SMOC2: variants seen among roughly 807,000 people sequenced by gnomAD.
SMOC2 encodes SPARC-related modular calcium-binding protein 2.
A neutral mutation model predicts 61.4 loss-of-function variants in SMOC2; 39 were observed. The ratio of observed to expected loss-of-function variants is 0.64; its 90% CI spans 0.49 to 0.83. The LOEUF is 0.83. Among genes scored for constraint, SMOC2 ranks in the 40% least tolerant of loss-of-function variants. The pLI is 0.00. For missense variants in SMOC2, 556 were observed against 592.9 expected (o/e 0.94, Z 0.65); for synonymous variants, 247 against 239.9 (o/e 1.03, Z -0.27).
intron 7 of SMOC2, among the ~76,000 whole-genome samples, chr6:168,595,346 G>T (rs1041666072): frequency 2.6e-5 from 4 of 152,184 alleles, no homozygotes; most frequent in African/African-American, 9.7e-5. Flanking sequence ...CTCCCGTGCT[G>T]TGGTGACACA....
chr6:168,548,397 C>T (rs1272960877), intron 6 of SMOC2, among the ~76,000 whole-genome samples: 1 of 150,286 alleles, frequency 6.7e-6, no homozygotes. Flanking sequence ...TTTTGTTGCC[C>T]AGGCTTCTGG....
intron 6 of SMOC2, among the ~76,000 whole-genome samples, chr6:168,547,393 C>T (rs544382081): frequency 7.3e-5 from 11 of 151,394 alleles, no homozygotes; most frequent in South Asian, 2.1e-4. Flanking sequence ...AACAGCAAGC[C>T]GAAAGGTGGT....
In SMOC2 at chr6:168,475,853, G is replaced by A. The variant is rs1196612050; in HGVS notation, c.85-34062G>A. On this transcript the variant is annotated intron_variant, in intron 1 of 12. Transcript: ENST00000356284. This position sits in a 1 kb window ranked among gnomAD's most constrained non-coding sequence, Gnocchi z 4.6. ...GTGGGCACAGGTGCCAAGGGGAATG[G>A]GGTCAGGGTTCTCCAGGCGTGGGCT... Among the ~76,000 whole-genome samples, 1 of 152,098 alleles carries A rather than the reference G, an allele frequency of 6.6e-6. No individual in the cohort carries two copies. The highest frequency in any genetic ancestry group is 1.5e-5 in the Non-Finnish European group (1 of 67,990).
chr6:168,457,452 C>T (rs900466807), intron 1 of SMOC2, among the ~76,000 whole-genome samples: 13 of 152,236 alleles, frequency 8.5e-5, no homozygotes, highest in African/African-American at 3.1e-4. Flanking sequence ...GCTGCAGTGA[C>T]TTCATCGCCT....
At chr6:168,525,617 G>A (rs1360371885) in intron 2 of SMOC2, among the ~76,000 whole-genome samples, 2 of 152,190 alleles carry the variant, frequency 1.3e-5, no homozygotes, top group African/African-American at 4.8e-5. Flanking sequence ...TGCGCCTTCT[G>A]TGAAATCTGT....
intron 7 of SMOC2, among the ~76,000 whole-genome samples, chr6:168,595,949 A>T (rs1215262218): frequency 6.6e-6 from 1 of 152,248 alleles, no homozygotes; most frequent in East Asian, 1.9e-4. Context: ...GGATCATCAA[A>T]CCATAAATTC....
chr6:168,563,976 T>C (rs1190724956), intron 7 of SMOC2, among the ~76,000 whole-genome samples: 1 of 152,164 alleles, frequency 6.6e-6, no homozygotes, highest in East Asian at 1.9e-4. Context: ...AAGCACACCC[T>C]GGAGTAGAAC....
intron 7 of SMOC2, among the ~76,000 whole-genome samples, chr6:168,590,903 T>C (rs1237822676): frequency 6.6e-6 from 1 of 152,208 alleles, no homozygotes; most frequent in African/African-American, 2.4e-5. Flanking sequence ...TCATATTTTT[T>C]TAATAGACCT....
chr6:168,598,672 G>T (rs765476476), intron 7 of SMOC2, 146 bp from the exon 8 acceptor site: 85 of 856,150 alleles, frequency 9.9e-5, no homozygotes, highest in Non-Finnish European at 1.5e-4. Context: ...CTCTCCTGCT[G>T]TGCCCCCCAC....
chr6:168,524,657 G>A (rs1366706598), intron 2 of SMOC2, among the ~76,000 whole-genome samples: 1 of 152,182 alleles, frequency 6.6e-6, no homozygotes, highest in Non-Finnish European at 1.5e-5. Flanking sequence ...ACTAAAAAAC[G>A]AGGACAGAAG....
intron 4 of SMOC2, among the ~76,000 whole-genome samples, chr6:168,538,782 G>A (rs187320652): frequency 9.9e-5 from 14 of 141,196 alleles, no homozygotes; most frequent in East Asian, 2.1e-4. Context: ...GGAGCAGAGC[G>A]ACCCCTGCTG....
intron 7 of SMOC2, among the ~76,000 whole-genome samples, chr6:168,573,759 C>G (rs1323589099): frequency 4.6e-5 from 7 of 152,310 alleles, no homozygotes; most frequent in African/African-American, 1.7e-4. Context: ...GCTCATCTCA[C>G]CAGCCTCATT....
intron 1 of SMOC2, among the ~76,000 whole-genome samples, chr6:168,455,858 TC>T (rs1377420761): frequency 2.6e-5 from 4 of 152,204 alleles, no homozygotes; most frequent in African/African-American, 7.2e-5. Flanking sequence ...CAACGTGGAT[TC>T]AAAACCTCGT....
chr6:168,574,355 C>G (rs559776703), intron 7 of SMOC2, among the ~76,000 whole-genome samples: 2 of 152,192 alleles, frequency 1.3e-5, no homozygotes, highest in Non-Finnish European at 2.9e-5. Context: ...GGCAGCAGGC[C>G]GGGAGGAAGC....
At chr6:168,562,610 T>C (rs1455016492) in intron 7 of SMOC2, among the ~76,000 whole-genome samples, 1 of 152,192 alleles carries the variant, frequency 6.6e-6, no homozygotes, top group Non-Finnish European at 1.5e-5. Flanking sequence ...AGGCGAGGGC[T>C]AGATGACCCG....
intron 6 of SMOC2, among the ~76,000 whole-genome samples, chr6:168,547,718 G>C (rs1784039768): frequency 6.6e-6 from 1 of 151,982 alleles, no homozygotes; most frequent in African/African-American, 2.4e-5. Context: ...TAAACATCAT[G>C]ATGTTAGACA....
intron 2 of SMOC2, among the ~76,000 whole-genome samples, chr6:168,517,214 G>A (rs1384372996): frequency 6.7e-6 from 1 of 149,484 alleles, no homozygotes; most frequent in Non-Finnish European, 1.5e-5. Context: ...GCCTGTCTGC[G>A]GCTGTCTCTC....
At chr6:168,642,184 C>T (rs2078123405) in intron 9 of SMOC2, among the ~76,000 whole-genome samples, 1 of 152,186 alleles carries the variant, frequency 6.6e-6, no homozygotes, top group Non-Finnish European at 1.5e-5. Flanking sequence ...GGAGTGGGCT[C>T]AGAGACTCCA....
intron 7 of SMOC2, among the ~76,000 whole-genome samples, chr6:168,582,532 G>T (rs1784942922): frequency 6.6e-6 from 1 of 152,190 alleles, no homozygotes; most frequent in Non-Finnish European, 1.5e-5. Context: ...GCAGGCTGGG[G>T]TGGGGCAGAG....
Sources: allele counts gnomAD v4.1 joint callset (sites outside exome capture counted in the v4.1 genomes callset), GRCh38; gene constraint gnomAD v4.1.1; non-coding constraint Gnocchi (gnomAD v3.1); transcripts MANE v1.5; gene names NCBI Gene and HGNC (gene_info 2026-07-23, HGNC 2026-07-21).